Variants in LPL observed in about 807,000 individuals in gnomAD.
LPL encodes phospholipase A1.
In LPL, 43 loss-of-function variants were observed where a neutral mutation model predicts 52.2. That is an observed-to-expected ratio of 0.82 (90% CI 0.64 to 1.06). The LOEUF is 1.06. Among genes scored for constraint, LPL ranks in the 50% least tolerant of loss-of-function variants. LPL has a pLI of 0.00. For missense variants in LPL, 639 were observed against 585.3 expected, an observed-to-expected ratio of 1.09 and a Z score of -0.95; for synonymous variants, 244 against 215.6, an observed-to-expected ratio of 1.13 and a Z score of -1.15.
At chr8:19,946,537 C>A (rs570699004) in intron 1 of LPL, 1 of 278,964 alleles carries the variant, frequency 3.6e-6, no homozygotes, top group Admixed American at 5.0e-5. Flanking sequence ...GCCTGACTTC[C>A]GCAGTTATTT....
chr8:19,959,204 G>C, intron 6 of LPL, 56 bp from the exon 7 acceptor site: 4 of 1,611,596 alleles, frequency 2.5e-6, no homozygotes, highest in Non-Finnish European at 3.4e-6. Context: ...TGACTATTTG[G>C]GGTTGTGATA....
rs1482878691 is a variant in LPL at position 19,966,887 on chromosome 8, T to C, written c.*1577T>C. ...GCATCCCCTTTATTAATTCATTAAATTTCTGGATTTGGGTTGTGACCCAGG... is the reference window on the plus strand; with the variant it reads ...GCATCCCCTTTATTAATTCATTAAACTTCTGGATTTGGGTTGTGACCCAGG... On this transcript the variant is annotated 3_prime_UTR_variant, in exon 10 of 10. Coordinates refer to ENST00000650287, the MANE Select transcript of LPL (RefSeq NM_000237.3). 2 of 152,574 alleles carry C rather than the reference T, an allele frequency of 1.3e-5. No homozygotes were observed. Among genetic ancestry groups the C allele is most frequent in the African/African-American group, 4.8e-5 (2 of 41,452 alleles). 9.5% of individuals were successfully genotyped at this position (152,574 alleles called of 1,614,324 possible). A position where few individuals can be genotyped will look rare whatever the true frequency, so the allele number is the denominator to read the frequency against.
chr8:19,958,128 C>T (rs1267404296), intron 6 of LPL, among the ~76,000 whole-genome samples: 1 of 152,020 alleles, frequency 6.6e-6, no homozygotes, highest in Non-Finnish European at 1.5e-5. Context: ...AAGCGATTCT[C>T]CTGCCTCAGC....
chr8:19,939,262 G>T lies in LPL; in HGVS notation c.-179G>T, dbSNP rs1044231797. On this transcript the variant is annotated 5_prime_UTR_variant, in exon 1 of 10. Coordinates refer to ENST00000650287, the MANE Select transcript of LPL (RefSeq NM_000237.3). This position sits in a 1 kb window ranked among gnomAD's most constrained non-coding sequence, Gnocchi z 4.0. ...TTGGCGTGAAAACAGTGTCAGACTCGATTCCCCCTCTTCCTCCTCCTCAAG... is the reference window on the plus strand; with the variant it reads ...TTGGCGTGAAAACAGTGTCAGACTCTATTCCCCCTCTTCCTCCTCCTCAAG... The T allele has an allele frequency of 7.0e-5, 43 of 615,112 alleles. 1 individual carries two copies. The highest frequency in any genetic ancestry group is 3.5e-5 in the Non-Finnish European group (12 of 344,216). The allele number at this position is 615,112 out of a possible 1,614,324, so 38.1% of individuals were successfully genotyped here.
intron 1 of LPL, among the ~76,000 whole-genome samples, chr8:19,940,362 G>A (rs959262607): frequency 6.6e-6 from 1 of 152,220 alleles, no homozygotes; most frequent in African/African-American, 2.4e-5. Context: ...TGGGGGCTGA[G>A]GTCAGCTCCG....
In LPL at chr8:19,950,873, G is replaced by C. The variant is rs1307329674; in HGVS notation, c.250-896G>C. 6.7e-6 allele frequency among the ~76,000 whole-genome samples: 1 copy of C among 148,860 alleles called. No homozygotes were observed. The highest frequency in any genetic ancestry group is 2.0e-4 in the East Asian group (1 of 5,064). On this transcript the variant is annotated intron_variant, in intron 2 of 9. Coordinates refer to ENST00000650287, the MANE Select transcript of LPL (RefSeq NM_000237.3). The surrounding 1 kb of genome is among the most constrained non-coding windows in gnomAD (Gnocchi z 4.2). ...AGGAAGGGAAGGAGGAAGGGAAGGAGGGAGGGAGGAAGGAAGGAAGGAATG... is the reference window on the plus strand; with the variant it reads ...AGGAAGGGAAGGAGGAAGGGAAGGACGGAGGGAGGAAGGAAGGAAGGAATG...
At chr8:19,955,325 C>T (rs895745749) in intron 5 of LPL, among the ~76,000 whole-genome samples, 4 of 152,134 alleles carry the variant, frequency 2.6e-5, no homozygotes, top group East Asian at 1.9e-4. Context: ...TCCAACTTTA[C>T]AATTGGGCTG....
At chr8:19,948,929 G>A (rs938475185) in intron 2 of LPL, among the ~76,000 whole-genome samples, 8 of 149,134 alleles carry the variant, frequency 5.4e-5, no homozygotes, top group African/African-American at 2.0e-4. Flanking sequence ...GAGCCTTTCT[G>A]GAAATTAAAA....
At position 19,953,185 on chromosome 8, in the gene LPL, A is replaced by C. The variant is rs57345602; in HGVS notation, c.430-125A>C. On this transcript the variant is annotated intron_variant, in intron 3 of 9. Transcript: ENST00000650287. ...TCTCTCTTACCTGTAACACAAAATT[A>C]AAATAAGTAGAATTAGTTTTCAGTA... 1,418 of 679,970 alleles carry C rather than the reference A, an allele frequency of 2.1e-3. 15 individuals are homozygous for C. The African/African-American group carries it at 0.022, about 11-fold the overall frequency. 42.1% of individuals were successfully genotyped at this position (679,970 alleles called of 1,614,324 possible).
rs1319380922 is a variant in LPL, at chr8:19,944,100, G to A, written c.89-4080G>A. 6.6e-6 allele frequency among the ~76,000 whole-genome samples: 1 copy of A among 152,024 alleles called. No homozygotes were observed. The highest frequency in any genetic ancestry group is 1.5e-5 in the Non-Finnish European group (1 of 67,976). ...TACTCGGGAGGCTGAGGCAGAGAATGGCTTGAACCCAGGAGGCATAGGTTG... is the reference window on the plus strand; with the variant it reads ...TACTCGGGAGGCTGAGGCAGAGAATAGCTTGAACCCAGGAGGCATAGGTTG... On this transcript the variant is annotated intron_variant, in intron 1 of 9. Coordinates refer to ENST00000650287, the MANE Select transcript of LPL (RefSeq NM_000237.3). The surrounding 1 kb of genome is among the most constrained non-coding windows in gnomAD (Gnocchi z 4.2).
chr8:19,944,450 G>C lies in LPL; in HGVS notation c.89-3730G>C, dbSNP rs978648800. 1.4e-5 allele frequency among the ~76,000 whole-genome samples: 2 copies of C among 147,058 alleles called. No individual in the cohort carries two copies. Among genetic ancestry groups the C allele is most frequent in the African/African-American group, 5.0e-5 (2 of 39,966 alleles). ...AGCCCTGTAGGAGTGAGAGAAAAGG[G>C]GGGAGAGAGAGAGAAAGGGGTGGGG... On this transcript the variant is annotated intron_variant, in intron 1 of 9. Transcript: ENST00000650287. This position sits in a 1 kb window ranked among gnomAD's most constrained non-coding sequence, Gnocchi z 4.2.
chr8:19,948,421 G>C, intron 2 of LPL, 81 bp downstream of exon 2: 13 of 1,479,946 alleles, frequency 8.8e-6, no homozygotes, highest in Non-Finnish European at 1.2e-5. Context: ...GGGACCCAGT[G>C]ATGGGTCCGC....
intron 3 of LPL, among the ~76,000 whole-genome samples, chr8:19,952,779 T>C (rs566069378): frequency 6.6e-6 from 1 of 152,200 alleles, no homozygotes; most frequent in Non-Finnish European, 1.5e-5. Flanking sequence ...TTCCACTGAA[T>C]GTTTCCTGAG....
intron 3 of LPL, among the ~76,000 whole-genome samples, chr8:19,953,046 G>A (rs982534032): frequency 6.6e-6 from 1 of 152,034 alleles, no homozygotes; most frequent in Non-Finnish European, 1.5e-5. Context: ...CAGATGCATG[G>A]AAAAACTTTG....
intron 5 of LPL, among the ~76,000 whole-genome samples, chr8:19,954,579 C>T (rs528181880): frequency 2.0e-5 from 3 of 152,254 alleles, no homozygotes; most frequent in African/African-American, 7.2e-5. Context: ...AGTGCACTTA[C>T]AGTAGCAAGA....
At position 19,954,200 on chromosome 8, in the gene LPL, G is replaced by A. The variant is rs568397156; in HGVS notation, c.622G>A (p.Val208Ile). Residue 208 changes from valine (V) to isoleucine (I), a missense_variant, in exon 5 of 10, where the codon GTC (valine) becomes ATC (isoleucine). By Grantham distance (29) the Val-to-Ile change is conservative (BLOSUM62 3). Transcript: ENST00000650287. ...LSPDDADFVD[V>I]LHTFTRGSPG... ...TCCTGATGATGCAGATTTTGTAGAC[G>A]TCTTACACACATTCACCAGAGGGTC... 21 of 1,614,138 alleles carry A rather than the reference G, an allele frequency of 1.3e-5. No individual in the cohort carries two copies. Among genetic ancestry groups the A allele is most frequent in the East Asian group, 2.2e-5 (1 of 44,880 alleles).
chr8:19,963,654 T>C (rs2070059810), intron 9 of LPL, among the ~76,000 whole-genome samples: 1 of 152,248 alleles, frequency 6.6e-6, no homozygotes, highest in Non-Finnish European at 1.5e-5. Flanking sequence ...ACTTTATATA[T>C]ACATAATATT....
chr8:19,953,862 C>G (rs2069958984), intron 4 of LPL, among the ~76,000 whole-genome samples: 1 of 152,190 alleles, frequency 6.6e-6, no homozygotes, highest in African/African-American at 2.4e-5. Context: ...TCGACATATT[C>G]AGAAATAATC....
intron 1 of LPL, among the ~76,000 whole-genome samples, chr8:19,941,986 A>G (rs780811741): frequency 6.6e-6 from 1 of 152,214 alleles, no homozygotes; most frequent in African/African-American, 2.4e-5. Context: ...TTGCCTGGCC[A>G]TCGTGAATTT....
Sources: allele counts gnomAD v4.1 joint callset (sites outside exome capture counted in the v4.1 genomes callset), GRCh38; gene constraint gnomAD v4.1.1; non-coding constraint Gnocchi (gnomAD v3.1); transcripts MANE v1.5; gene names NCBI Gene and HGNC (gene_info 2026-07-23, HGNC 2026-07-21).